The following PPA2 variants were observed in gnomAD, a reference collection of about 807,000 sequenced individuals.
The protein encoded by PPA2 is inorganic pyrophosphatase 2, also known as inorganic pyrophosphatase 2, mitochondrial.
In PPA2, 48 loss-of-function variants were observed where a neutral mutation model predicts 49.5. The ratio of observed to expected loss-of-function variants is 0.97; its 90% confidence interval spans 0.77 to 1.23. The LOEUF is 1.23. PPA2 is among the 50% of genes most tolerant of loss of function. The pLI is 0.00. For synonymous variants in PPA2, 131 were observed against 139.9 expected (o/e 0.94, Z 0.45); for missense variants, 429 against 410.1 (o/e 1.05, Z -0.40).
At chr4:105,411,474 G>A (rs550272352) in intron 7 of PPA2, among the ~76,000 whole-genome samples, 52 of 152,190 alleles carry the variant, frequency 3.4e-4, no homozygotes, top group African/African-American at 1.1e-3. Context: ...CAAACCCACA[G>A]CCAATATCAT....
At chr4:105,383,567 G>T (rs1158394133) in intron 10 of PPA2, among the ~76,000 whole-genome samples, 1 of 151,900 alleles carries the variant, frequency 6.6e-6, no homozygotes, top group African/African-American at 2.4e-5. Context: ...TCTTTTCCTT[G>T]TCTATTTTAA....
chr4:105,390,450 TAAACAA>T (rs1009331996), intron 9 of PPA2, among the ~76,000 whole-genome samples: 1 of 135,500 alleles, frequency 7.4e-6, no homozygotes, highest in Non-Finnish European at 1.6e-5. Context: ...ACAAGGAACT[TAAACAA>T]ATTTACAAGA....
At chr4:105,441,081 G>A (rs1724339837) in intron 5 of PPA2, among the ~76,000 whole-genome samples, 2 of 152,104 alleles carry the variant, frequency 1.3e-5, no homozygotes, top group African/African-American at 4.8e-5. Flanking sequence ...TTAAGCTTTG[G>A]TTATGCCCTC....
At chr4:105,447,996 TTG>T (rs773238303) in intron 4 of PPA2, 53 of 294,458 alleles carry the variant, frequency 1.8e-4, no homozygotes, top group Non-Finnish European at 3.4e-4. Context: ...TCTGCCCGCC[TTG>T]GTTTCTCAAT....
At chr4:105,381,160 T>G (rs1245484033) in intron 10 of PPA2, among the ~76,000 whole-genome samples, 1 of 152,124 alleles carries the variant, frequency 6.6e-6, no homozygotes, top group Non-Finnish European at 1.5e-5. Flanking sequence ...ATTATGATGT[T>G]TAGTGGTCAT....
At chr4:105,377,813 T>C (rs1733319626) in intron 10 of PPA2, among the ~76,000 whole-genome samples, 1 of 152,282 alleles carries the variant, frequency 6.6e-6, no homozygotes, top group African/African-American at 2.4e-5. Context: ...ATGATATATC[T>C]GTTTTCACTC....
rs556968772 is a variant in PPA2, at chr4:105,437,870, G to A, written c.528+80C>T. 255 of 1,054,946 alleles carry A rather than the reference G, an allele frequency of 2.4e-4. 4 individuals carry two copies. The South Asian group carries it at 3.9e-3, about 16-fold the overall frequency. 65.3% of individuals were successfully genotyped at this position (1,054,946 alleles called of 1,614,324 possible). A position where few individuals can be genotyped will look rare whatever the true frequency, so the allele number is the denominator to read the frequency against. Reference sequence around the variant, plus strand: ...TAGGCTTGAACTCTGAAGAGTTGAAGAACTAGAGGCTAAAATGAAATTTTA... The same window carrying A: ...TAGGCTTGAACTCTGAAGAGTTGAAAAACTAGAGGCTAAAATGAAATTTTA... On this transcript the variant is annotated intron_variant, in intron 6 of 11. Transcript: ENST00000341695.
At chr4:105,468,519 G>A (rs1046774256) in intron 1 of PPA2, among the ~76,000 whole-genome samples, 4 of 152,224 alleles carry the variant, frequency 2.6e-5, no homozygotes, top group African/African-American at 9.6e-5. Context: ...GCAGCATGGA[G>A]GTGACAGGTA....
intron 6 of PPA2, among the ~76,000 whole-genome samples, chr4:105,424,710 C>T (rs1363510265): frequency 6.6e-6 from 1 of 152,050 alleles, no homozygotes; most frequent in African/African-American, 2.4e-5. Flanking sequence ...ATACACATTC[C>T]AAACCACAGC....
chr4:105,417,559 A>G (rs2110260438), intron 7 of PPA2, among the ~76,000 whole-genome samples: 2 of 26,794 alleles, frequency 7.5e-5, no homozygotes, highest in East Asian at 4.1e-3. Flanking sequence ...GACTGAAACC[A>G]AAAAAAAAAA....
Position 105,446,451 on chromosome 4 carries a change from T to A in PPA2, c.373A>T (p.Lys125Ter), listed in dbSNP as rs1459331201. 6.2e-7 allele frequency: 1 copy of A among 1,606,816 alleles called. No individual in the cohort carries two copies. Among genetic ancestry groups the A allele is most frequent in the East Asian group, 2.3e-5 (1 of 44,336 alleles). The change falls in exon 5 of 12, where the codon AAG becomes TAG. Residue 125 changes from lysine (K) to a stop codon, truncating the protein, a stop_gained. Transcript: ENST00000341695. LOFTEE classifies it high-confidence loss of function. Reference sequence around the variant, plus strand: ...AAGATATTCGCCACATAGCGTAGCTTTCCATCCTTTACATATTGTTTAATG... The same window carrying A: ...AAGATATTCGCCACATAGCGTAGCTATCCATCCTTTACATATTGTTTAATG... The part of the protein sequence containing the change: ...NPIKQYVKDG[K>*]LRYVANIFPY...
At chr4:105,388,834 AAG>A (rs140746497) in intron 9 of PPA2, among the ~76,000 whole-genome samples, 8,565 of 67,780 alleles carry the variant, frequency 0.13, 435 homozygotes, top group East Asian at 0.3. Context: ...CCAAAAAAAA[AAG>A]AAAAAAAAAA....
At chr4:105,386,449 A>C (rs1385065239) in intron 10 of PPA2, 118 bp downstream of exon 10, 2 of 783,552 alleles carry the variant, frequency 2.6e-6, no homozygotes, top group Non-Finnish European at 3.9e-6. Context: ...GGTGATCTGT[A>C]AACTTTATGC....
intron 6 of PPA2, among the ~76,000 whole-genome samples, chr4:105,424,999 G>A (rs960681070): frequency 6.6e-6 from 1 of 152,166 alleles, no homozygotes; most frequent in Non-Finnish European, 1.5e-5. Flanking sequence ...TCATTAGTGA[G>A]CCTATAATAG....
At chr4:105,414,054 CAGAAG>C (rs1722884206) in intron 7 of PPA2, among the ~76,000 whole-genome samples, 1 of 152,232 alleles carries the variant, frequency 6.6e-6, no homozygotes, top group South Asian at 2.1e-4. Flanking sequence ...ACTCAATTCA[CAGAAG>C]AGAAGATACA....
intron 8 of PPA2, chr4:105,398,780 G>A (rs1355080264): frequency 3.6e-6 from 1 of 276,606 alleles, no homozygotes; most frequent in East Asian, 7.9e-5. Flanking sequence ...GTCTGATCAT[G>A]AAATTCCTTC....
At chr4:105,422,592 T>TGG (rs375319791) in intron 7 of PPA2, among the ~76,000 whole-genome samples, 5 of 69,886 alleles carry the variant, frequency 7.2e-5, no homozygotes, top group Non-Finnish European at 2.0e-4. Flanking sequence ...CTTGGTATAA[T>TGG]ATTATAGATG....
In PPA2 at chr4:105,409,843, C is replaced by G. The variant is rs184251784; in HGVS notation, c.656-10679G>C. On this transcript the variant is annotated intron_variant, in intron 7 of 11. Transcript: ENST00000341695. Reference sequence around the variant, plus strand: ...AGGGGCCTGTTAGAAGGAAAACTAACTAACAGAAAGGAATAGCATCAACAT... The same window carrying G: ...AGGGGCCTGTTAGAAGGAAAACTAAGTAACAGAAAGGAATAGCATCAACAT... Among the ~76,000 whole-genome samples the G allele has an allele frequency of 2.9e-3, 440 of 152,344 alleles. 2 individuals carry two copies. Among genetic ancestry groups the G allele is most frequent in the African/African-American group, 0.01 (429 of 41,580 alleles).
chr4:105,451,031 C>A (rs558902585), intron 3 of PPA2, among the ~76,000 whole-genome samples: 1 of 152,108 alleles, frequency 6.6e-6, no homozygotes, highest in Non-Finnish European at 1.5e-5. Context: ...ATTTAACATA[C>A]TTATTTTCGA....
Sources: gnomAD v4.1 joint callset for allele counts (sites outside exome capture counted in the v4.1 genomes callset) on GRCh38, gnomAD v4.1.1 for gene constraint, MANE v1.5 for transcripts, NCBI Gene and HGNC (gene_info 2026-07-23, HGNC 2026-07-21) for gene names.